Variants in SPRY1 observed in about 807,000 individuals in gnomAD.
The protein encoded by SPRY1 is sprouty RTK signaling antagonist 1.
A neutral mutation model predicts 22.6 loss-of-function variants in SPRY1; 20 were observed. The ratio of observed to expected loss-of-function variants is 0.89; its 90% CI spans 0.62 to 1.29. The LOEUF (loss-of-function observed/expected upper bound fraction) is 1.29. Among genes scored for constraint, SPRY1 ranks in the 50% most tolerant of loss-of-function variants. SPRY1 has a pLI of 0.00. For missense variants in SPRY1, 446 were observed against 387.7 expected, an observed-to-expected ratio of 1.15 and a Z score of -1.26; for synonymous variants, 155 against 144.7, an observed-to-expected ratio of 1.07 and a Z score of -0.51.
chr4:123,400,444 C>T (rs971614959), intron 2 of SPRY1: 1 of 152,120 alleles, frequency 6.6e-6, no homozygotes, highest in Admixed American at 6.5e-5. Context: ...ACTCTGTAGA[C>T]TTTAGAAGGA....
Position 123,401,478 on chromosome 4 carries a change from C to CA in SPRY1, c.-55-51dup, listed in dbSNP as rs563715172. On this transcript the variant is annotated intron_variant, in intron 2 of 2. Coordinates refer to ENST00000651917, the MANE Select transcript of SPRY1 (RefSeq NM_001258038.2). ...GTGATTTGACAGGATTCCCCCCCCC[C>CA]AAAAAAAATGCTTCCTGTCATTTAT... The CA allele has an allele frequency of 7.3e-4, 858 of 1,182,804 alleles. 1 individual carries two copies. The highest frequency in any genetic ancestry group is 2.7e-3 in the East Asian group (103 of 38,482). 73.3% of individuals were successfully genotyped at this position (1,182,804 alleles called of 1,614,324 possible). A position where few individuals can be genotyped will look rare whatever the true frequency, so the allele number is the denominator to read the frequency against.
Position 123,403,466 on chromosome 4 carries a change from T to C in SPRY1, c.*915T>C, listed in dbSNP as rs1284252019. ...TAACAGCTGAGTAATTCTAATCTCTTCTGTGTTTTCCTTGCCTTAACCACA... is the reference window on the plus strand; with the variant it reads ...TAACAGCTGAGTAATTCTAATCTCTCCTGTGTTTTCCTTGCCTTAACCACA... On this transcript the variant is annotated 3_prime_UTR_variant, in exon 3 of 3. Coordinates refer to ENST00000651917, the MANE Select transcript of SPRY1 (RefSeq NM_001258038.2). The C allele has an allele frequency of 6.0e-6, 1 of 167,130 alleles. No homozygotes were observed. The allele number at this position is 167,130 out of a possible 1,614,324, so 10.4% of individuals were successfully genotyped here.
chr4:123,402,707 C>A lies in SPRY1; in HGVS notation c.*156C>A. On this transcript the variant is annotated 3_prime_UTR_variant, in exon 3 of 3. Transcript: ENST00000651917. ...TCTAACTCATGGATTTTTCTCTTTC[C>A]TCATGGATGATCTTCAGCAAGAGTG... The A allele has an allele frequency of 2.1e-6, 2 of 971,928 alleles. No individual in the cohort carries two copies. The highest frequency in any genetic ancestry group is 3.0e-6 in the Non-Finnish European group (2 of 666,818). 60.2% of individuals were successfully genotyped at this position (971,928 alleles called of 1,614,324 possible).
intron 2 of SPRY1, among the ~76,000 whole-genome samples, chr4:123,398,890 C>G (rs891814223): frequency 2.0e-5 from 3 of 152,054 alleles, no homozygotes; most frequent in Admixed American, 6.6e-5. Context: ...CGGAGGCCCT[C>G]TTTGGAGGAG....
Position 123,402,057 on chromosome 4 carries a change from A to AC in SPRY1, c.469dup (p.Gln157ProfsTer9), listed in dbSNP as rs1412668295. On this transcript the variant is annotated frameshift_variant, in exon 3 of 3. Transcript: ENST00000651917. LOFTEE classifies it high-confidence loss of function. ...TCATAGGTCTGAAAGGGCAATCCGG[A>AC]CCCAGCCCAAGCAACTGATTGTGGA... 1 of 1,614,030 alleles carries AC rather than the reference A, an allele frequency of 6.2e-7. No individual in the cohort carries two copies. The highest frequency in any genetic ancestry group is 1.3e-5 in the African/African-American group (1 of 74,902).
At chr4:123,400,411 C>A (rs1725098461) in intron 2 of SPRY1, 1 of 152,092 alleles carries the variant, frequency 6.6e-6, no homozygotes, top group African/African-American at 2.4e-5. Flanking sequence ...ATTTCTTTTT[C>A]TTTTCATTCT....
chr4:123,401,006 CATTTT>C (rs1205041801), intron 2 of SPRY1, among the ~76,000 whole-genome samples: 5 of 152,096 alleles, frequency 3.3e-5, no homozygotes, highest in African/African-American at 4.8e-5. Flanking sequence ...TTTGCGATTT[CATTTT>C]AAGAGTCTCA....
At position 123,401,834 on chromosome 4, in the gene SPRY1, A is replaced by G; in HGVS notation, c.243A>G (p.Ile81Met). The G allele has an allele frequency of 6.2e-7, 1 of 1,614,226 alleles. No homozygotes were observed. The highest frequency in any genetic ancestry group is 8.5e-7 in the Non-Finnish European group (1 of 1,180,040). Residue 81 changes from isoleucine to methionine, a missense_variant, in exon 3 of 3, where the codon ATA becomes ATG. Ile to Met is a conservative substitution (Grantham distance 10). Coordinates refer to ENST00000651917, the MANE Select transcript of SPRY1 (RefSeq NM_001258038.2). ...QEKHERTHEI[I>M]PINVNNNYEH... ...AGCATGAAAGGACTCATGAAATCAT[A>G]CCAATTAATGTGAATAATAACTACG...
In SPRY1 at chr4:123,402,116, A is replaced by G; in HGVS notation, c.525A>G (p.Thr175=). The G allele has an allele frequency of 1.2e-6, 2 of 1,614,242 alleles. No individual in the cohort carries two copies. Among genetic ancestry groups the G allele is most frequent in the African/African-American group, 1.3e-5 (1 of 75,068 alleles). Residue 175 remains threonine, a synonymous_variant, in exon 3 of 3, where the codon ACA becomes ACG. Transcript: ENST00000651917. ...DLKGSLKEDL[T]QHKFICEQCG... ...AGGGTTCCTTGAAAGAGGACCTGAC[A>G]CAGCACAAGTTCATTTGTGAACAGT...
At position 123,396,796 on chromosome 4, in the gene SPRY1, T is replaced by C. The variant is rs1313310773; in HGVS notation, c.-438T>C. On this transcript the variant is annotated 5_prime_UTR_variant, in exon 1 of 3. Coordinates refer to ENST00000651917, the MANE Select transcript of SPRY1 (RefSeq NM_001258038.2). The stretch of plus-strand genomic sequence containing the variant: ...GGAGGCAAGGAGCTGAAATTCTGCG[T>C]AGCCGGAGTGAGACCGCTCTGCAAA... 2 of 152,302 alleles carry C rather than the reference T, an allele frequency of 1.3e-5. No homozygotes were observed. Among genetic ancestry groups the C allele is most frequent in the South Asian group, 2.1e-4 (1 of 4,824 alleles). The allele number at this position is 152,302 out of a possible 1,614,324, so 9.4% of individuals were successfully genotyped here. A position where few individuals can be genotyped will look rare whatever the true frequency, so the allele number is the denominator to read the frequency against.
At position 123,402,398 on chromosome 4, in the gene SPRY1, C is replaced by T; in HGVS notation, c.807C>T (p.Cys269=). The change falls in exon 3 of 3, where the codon TGC becomes TGT. Residue 269 remains cysteine (C), a synonymous_variant. Transcript: ENST00000651917. The stretch of plus-strand genomic sequence containing the variant: ...GAGCCATGTCTTTATTTTTACCTTG[C>T]TTACTCTGTTATCCTCCTGCTAAAG... ...CMGAMSLFLP[C]LLCYPPAKGC... 1 of 1,614,150 alleles carries T rather than the reference C, an allele frequency of 6.2e-7. No individual in the cohort carries two copies. Among genetic ancestry groups the T allele is most frequent in the Non-Finnish European group, 8.5e-7 (1 of 1,180,026 alleles).
Position 123,397,756 on chromosome 4 carries a change from G to C in SPRY1, c.-156G>C, listed in dbSNP as rs1366948471. 2 of 151,516 alleles carry C rather than the reference G, an allele frequency of 1.3e-5. No individual in the cohort carries two copies. The highest frequency in any genetic ancestry group is 2.9e-5 in the Non-Finnish European group (2 of 67,914). 9.4% of individuals were successfully genotyped at this position (151,516 alleles called of 1,614,324 possible). ...ATCGGCTAAGCGCGTCGGCCTGCGCGGGGCACAAGGGACGACGCCCGCCTT... is the reference window on the plus strand; with the variant it reads ...ATCGGCTAAGCGCGTCGGCCTGCGCCGGGCACAAGGGACGACGCCCGCCTT... On this transcript the variant is annotated 5_prime_UTR_variant, in exon 2 of 3. Transcript: ENST00000651917.
At chr4:123,401,476 C>A (rs528685543) in intron 2 of SPRY1, 61 bp from the exon 3 acceptor site, 45 of 1,360,914 alleles carry the variant, frequency 3.3e-5, no homozygotes, top group Middle Eastern at 2.7e-4. Flanking sequence ...ATTCCCCCCC[C>A]CCAAAAAAAA....
chr4:123,400,950 TAAG>T lies in SPRY1; in HGVS notation c.-55-586_-55-584del, dbSNP rs1173813153. On this transcript the variant is annotated intron_variant, in intron 2 of 2. Coordinates refer to ENST00000651917, the MANE Select transcript of SPRY1 (RefSeq NM_001258038.2). The stretch of plus-strand genomic sequence containing the variant: ...ATTTTTGCATCTCATAGATGAATAA[TAAG>T]GTAGTTTTAAAATTCTGATTTATAT... 5.9e-5 allele frequency among the ~76,000 whole-genome samples: 9 copies of T among 152,340 alleles called. 1 individual carries two copies. The South Asian group carries it at 1.5e-3, about 25-fold the overall frequency.
chr4:123,399,574 C>T (rs1222675117), intron 2 of SPRY1: 2 of 152,350 alleles, frequency 1.3e-5, no homozygotes, highest in Non-Finnish European at 1.5e-5. Flanking sequence ...GTGGCCGCCC[C>T]TGCGCTGGCT....
At position 123,402,394 on chromosome 4, in the gene SPRY1, CT is replaced by C; in HGVS notation, c.805del (p.Cys269AlafsTer12). The C allele has an allele frequency of 6.2e-7, 1 of 1,614,120 alleles. No individual in the cohort carries two copies. Among genetic ancestry groups the C allele is most frequent in the Non-Finnish European group, 8.5e-7 (1 of 1,180,022 alleles). Reference sequence around the variant, plus strand: ...ATGGGAGCCATGTCTTTATTTTTACCTTGCTTACTCTGTTATCCTCCTGCTA... The same window carrying C: ...ATGGGAGCCATGTCTTTATTTTTACCTGCTTACTCTGTTATCCTCCTGCTA... ...LCMGAMSLFL[P>X]CLLCYPPAKG... On this transcript the variant is annotated frameshift_variant, in exon 3 of 3. Transcript: ENST00000651917. LOFTEE classifies it high-confidence loss of function.
Position 123,402,603 on chromosome 4 carries a change from GT to G in SPRY1, c.*58del. ...AACTTTTAGCTTTCAAGTTGTGGCT[GT>G]TTTTTGTTTTTGTTTTTGTTTTTGT... On this transcript the variant is annotated 3_prime_UTR_variant, in exon 3 of 3. Coordinates refer to ENST00000651917, the MANE Select transcript of SPRY1 (RefSeq NM_001258038.2). The G allele has an allele frequency of 6.5e-7, 1 of 1,533,654 alleles. No individual in the cohort carries two copies. The highest frequency in any genetic ancestry group is 1.3e-5 in the South Asian group (1 of 77,448).
rs566242109 is a variant in SPRY1, at chr4:123,402,604, T to TTTTTTG, written c.*76_*81dup. The TTTTTTG allele has an allele frequency of 1.8e-3, 2,753 of 1,534,778 alleles. 38 individuals are homozygous for TTTTTTG. The African/African-American group carries it at 0.028, about 15-fold the overall frequency. ...ACTTTTAGCTTTCAAGTTGTGGCTG[T>TTTTTTG]TTTTTGTTTTTGTTTTTGTTTTTGT... On this transcript the variant is annotated 3_prime_UTR_variant, in exon 3 of 3. Transcript: ENST00000651917.
chr4:123,398,633 G>A (rs1451401385), intron 2 of SPRY1: 2 of 151,962 alleles, frequency 1.3e-5, no homozygotes, highest in East Asian at 1.9e-4. Flanking sequence ...TCCGGGAGAG[G>A]AGGGGAGGGG....
Sources: allele counts gnomAD v4.1 joint callset (sites outside exome capture counted in the v4.1 genomes callset), GRCh38; gene constraint gnomAD v4.1.1; transcripts MANE v1.5; gene names NCBI Gene and HGNC (gene_info 2026-07-23, HGNC 2026-07-21).